FHIT: variants seen among roughly 807,000 people sequenced by gnomAD.
FHIT encodes bis(5'-adenosyl)-triphosphatase.
A neutral mutation model predicts 17.9 loss-of-function variants in FHIT; 19 were observed. The ratio of observed to expected loss-of-function variants is 1.06; its 90% CI spans 0.74 to 1.56. FHIT has a LOEUF of 1.56. FHIT is among the 40% of genes most tolerant of loss of function. The pLI is 0.00. For missense variants in FHIT, 248 were observed against 189.2 expected (o/e 1.31, Z -1.82); for synonymous variants, 81 against 69.7 (o/e 1.16, Z -0.81).
At chr3:60,914,682 C>G (rs964094357) in intron 3 of FHIT, among the ~76,000 whole-genome samples, 1 of 152,176 alleles carries the variant, frequency 6.6e-6, no homozygotes, top group Non-Finnish European at 1.5e-5. Context: ...TAACGTCCAC[C>G]TTTACTTCTC....
At chr3:61,157,060 C>T (rs1299735800) in intron 2 of FHIT, among the ~76,000 whole-genome samples, 1 of 152,002 alleles carries the variant, frequency 6.6e-6, no homozygotes, top group African/African-American at 2.4e-5. Context: ...ATAAATAAAC[C>T]ACAGACTAAA....
chr3:61,127,584 G>A (rs965990220), intron 2 of FHIT, among the ~76,000 whole-genome samples: 2 of 152,106 alleles, frequency 1.3e-5, no homozygotes, highest in African/African-American at 4.8e-5. Context: ...GAGTAACTTG[G>A]CCAGGTGTGA....
chr3:60,710,736 G>A (rs1553704837), intron 4 of FHIT, among the ~76,000 whole-genome samples: 1 of 152,200 alleles, frequency 6.6e-6, no homozygotes, highest in Admixed American at 6.5e-5. Flanking sequence ...GACCGCCATT[G>A]CCCAGGCTCA....
chr3:60,202,120 T>G (rs1385731852), intron 5 of FHIT, among the ~76,000 whole-genome samples: 2 of 152,196 alleles, frequency 1.3e-5, no homozygotes, highest in Non-Finnish European at 2.9e-5. Context: ...AATGTTACAG[T>G]GGAAAGAGCA....
Position 61,058,032 on chromosome 3 carries a change from T to C in FHIT, c.-163-15933A>G, listed in dbSNP as rs2034286826. ...TCTAACAGAGATTAGCTCTGAGACC[T>C]AGCAAGTTCTTTAATATCACAGAAA... On this transcript the variant is annotated intron_variant, in intron 2 of 9. Transcript: ENST00000492590. 2.0e-5 allele frequency among the ~76,000 whole-genome samples: 3 copies of C among 151,922 alleles called. No individual in the cohort carries two copies. In the South Asian group the frequency reaches 6.2e-4, roughly 32 times the overall value.
At chr3:61,037,207 G>A (rs556089996) in intron 3 of FHIT, among the ~76,000 whole-genome samples, 4 of 152,068 alleles carry the variant, frequency 2.6e-5, no homozygotes, top group Non-Finnish European at 5.9e-5. Flanking sequence ...CACCGTGCCC[G>A]GCCCAGTCTG....
chr3:60,463,724 A>T (rs1393298321), intron 5 of FHIT, among the ~76,000 whole-genome samples: 4 of 152,310 alleles, frequency 2.6e-5, no homozygotes, highest in Non-Finnish European at 5.9e-5. Flanking sequence ...CAATCAAAAA[A>T]ACTTAGACCA....
intron 5 of FHIT, among the ~76,000 whole-genome samples, chr3:60,494,939 G>A (rs2034233314): frequency 6.6e-6 from 1 of 152,126 alleles, no homozygotes; most frequent in African/African-American, 2.4e-5. Context: ...AACAAACACG[G>A]GAGCGCAGAT....
At chr3:60,031,189 G>A (rs1168494028) in intron 5 of FHIT, among the ~76,000 whole-genome samples, 1 of 152,208 alleles carries the variant, frequency 6.6e-6, no homozygotes, top group Non-Finnish European at 1.5e-5. Context: ...GTGAATGCAA[G>A]TCTGGTGTTG....
intron 4 of FHIT, among the ~76,000 whole-genome samples, chr3:60,586,281 C>A (rs546755439): frequency 6.6e-6 from 1 of 152,040 alleles, no homozygotes; most frequent in East Asian, 1.9e-4. Flanking sequence ...AAATAACCTC[C>A]CCCCAGTCTA....
intron 4 of FHIT, among the ~76,000 whole-genome samples, chr3:60,731,801 A>T (rs1390664539): frequency 6.6e-6 from 1 of 152,046 alleles, no homozygotes; most frequent in Non-Finnish European, 1.5e-5. Context: ...TATTTGAGAG[A>T]ACCATCTTAA....
At chr3:60,339,142 AT>A (rs1710386548) in intron 5 of FHIT, among the ~76,000 whole-genome samples, 1 of 151,286 alleles carries the variant, frequency 6.6e-6, no homozygotes, top group Non-Finnish European at 1.5e-5. Flanking sequence ...ACATATGCAT[AT>A]GTGTGTTTAT....
intron 5 of FHIT, among the ~76,000 whole-genome samples, chr3:60,062,942 A>C (rs1702352477): frequency 6.6e-6 from 1 of 152,166 alleles, no homozygotes; most frequent in Admixed American, 6.5e-5. Context: ...AAGAAGTGAA[A>C]AGGGATGGAG....
chr3:60,206,010 A>ACC (rs1703157076), intron 5 of FHIT, among the ~76,000 whole-genome samples: 1 of 151,056 alleles, frequency 6.6e-6, no homozygotes. Context: ...GCAGGCACCT[A>ACC]TAGTCCCAGC....
At chr3:60,858,156 G>A (rs1553750462) in intron 3 of FHIT, among the ~76,000 whole-genome samples, 1 of 152,162 alleles carries the variant, frequency 6.6e-6, no homozygotes, top group Non-Finnish European at 1.5e-5. Context: ...AACACTTAAT[G>A]AGTACTTAAA....
At chr3:60,569,541 C>G (rs2166823) in intron 4 of FHIT, among the ~76,000 whole-genome samples, 59,269 of 151,032 alleles carry the variant, frequency 0.39, 11,823 homozygotes, top group South Asian at 0.49. Context: ...TTTGAAGACA[C>G]CAGGACGATA....
At chr3:60,813,968 ATC>A (rs1553736799) in intron 4 of FHIT, among the ~76,000 whole-genome samples, 1 of 151,974 alleles carries the variant, frequency 6.6e-6, no homozygotes, top group Admixed American at 6.6e-5. Context: ...TTTTAAACCT[ATC>A]TGTGTTTTTT....
intron 7 of FHIT, among the ~76,000 whole-genome samples, chr3:59,927,018 C>G (rs541636501): frequency 1.3e-5 from 2 of 152,154 alleles, no homozygotes; most frequent in Non-Finnish European, 2.9e-5. Flanking sequence ...AAAACTTGTA[C>G]GCAAATGTTT....
intron 2 of FHIT, among the ~76,000 whole-genome samples, chr3:61,173,585 A>C (rs564424322): frequency 6.6e-6 from 1 of 152,374 alleles, no homozygotes; most frequent in East Asian, 1.9e-4. Context: ...TGCAAAACAT[A>C]GTTCTCATTT....
Sources: gnomAD v4.1 joint callset for allele counts (sites outside exome capture counted in the v4.1 genomes callset) on GRCh38, gnomAD v4.1.1 for gene constraint, MANE v1.5 for transcripts, NCBI Gene and HGNC (gene_info 2026-07-23, HGNC 2026-07-21) for gene names.